Variants in TAF1B observed in about 807,000 individuals in gnomAD.
TAF1B encodes the protein TATA-box binding protein associated factor, RNA polymerase I subunit B, also known as TATA box-binding protein-associated factor RNA polymerase I subunit B.
In TAF1B, 61 loss-of-function variants were observed where a neutral mutation model predicts 83.9. The ratio of observed to expected loss-of-function variants is 0.73; its 90% confidence interval spans 0.59 to 0.90. TAF1B has a LOEUF of 0.90. Ranked by LOEUF, TAF1B falls within the 40% of genes least tolerant of loss-of-function variation. The pLI is 0.00. For missense variants in TAF1B, 625 were observed against 677.0 expected, an observed-to-expected ratio of 0.92 and a Z score of 0.85; for synonymous variants, 221 against 224.6, an observed-to-expected ratio of 0.98 and a Z score of 0.14.
chr2:9,862,342 T>A (rs1388952737), intron 5 of TAF1B, among the ~76,000 whole-genome samples: 3 of 152,038 alleles, frequency 2.0e-5, no homozygotes, highest in Non-Finnish European at 4.4e-5. Flanking sequence ...AGAAAGTGTA[T>A]CCATGATGGA....
At chr2:9,847,837 T>C (rs1244744022) in intron 2 of TAF1B, among the ~76,000 whole-genome samples, 1 of 145,522 alleles carries the variant, frequency 6.9e-6, no homozygotes, top group Non-Finnish European at 1.6e-5. Flanking sequence ...TCACCAGTAA[T>C]CTCTACATTT....
At chr2:9,876,065 G>T in intron 7 of TAF1B, 47 bp downstream of exon 7, 1 of 1,499,080 alleles carries the variant, frequency 6.7e-7, no homozygotes, top group Non-Finnish European at 9.0e-7. Flanking sequence ...GTTACTACAT[G>T]AACTAAGTAG....
intron 8 of TAF1B, among the ~76,000 whole-genome samples, chr2:9,894,135 A>G (rs888814559): frequency 3.3e-5 from 5 of 152,172 alleles, no homozygotes; most frequent in Non-Finnish European, 5.9e-5. Flanking sequence ...TTTATTATCT[A>G]TATTATAGAT....
chr2:9,868,566 C>A, intron 6 of TAF1B, 137 bp downstream of exon 6: 1 of 1,236,536 alleles, frequency 8.1e-7, no homozygotes, highest in Non-Finnish European at 1.2e-6. Flanking sequence ...GAATGACTTG[C>A]TGAATCATAT....
At chr2:9,863,548 A>G (rs1456374515) in intron 5 of TAF1B, among the ~76,000 whole-genome samples, 5 of 152,198 alleles carry the variant, frequency 3.3e-5, no homozygotes, top group Admixed American at 3.3e-4. Flanking sequence ...TGAGACAGAA[A>G]GTTAACAAGG....
rs940793122 is a variant in TAF1B, at chr2:9,926,636, C to T, written c.1565+6816C>T. On this transcript the variant is annotated intron_variant, in intron 14 of 14. Coordinates refer to ENST00000263663, the MANE Select transcript of TAF1B (RefSeq NM_005680.3). ...GGTGGATCACCTGAGGTCAGGAGTT[C>T]GAGACCAGACTGGCCAACATGGTGA... is the stretch of plus-strand genomic sequence containing the variant. Among the ~76,000 whole-genome samples the T allele has an allele frequency of 6.6e-5, 10 of 151,788 alleles. No homozygotes were observed. The South Asian group carries it at 1.0e-3, about 16-fold the overall frequency.
At chr2:9,862,460 A>G (rs1431976605) in intron 5 of TAF1B, among the ~76,000 whole-genome samples, 6 of 152,196 alleles carry the variant, frequency 3.9e-5, no homozygotes, top group Admixed American at 6.5e-5. Flanking sequence ...GACCAAATCT[A>G]CGTCTTATTG....
intron 7 of TAF1B, among the ~76,000 whole-genome samples, chr2:9,880,173 T>C (rs1664455839): frequency 6.6e-6 from 1 of 152,204 alleles, no homozygotes; most frequent in African/African-American, 2.4e-5. Flanking sequence ...CAGTGGTTTT[T>C]TTCAGTGATC....
Position 9,905,022 on chromosome 2 carries a change from A to G in TAF1B, c.955+16A>G, listed in dbSNP as rs774864733. 2.5e-6 allele frequency: 4 copies of G among 1,602,724 alleles called. No individual in the cohort carries two copies. The highest frequency in any genetic ancestry group is 2.7e-5 in the African/African-American group (2 of 74,614). On this transcript the variant is annotated intron_variant, in intron 9 of 14. Coordinates refer to ENST00000263663, the MANE Select transcript of TAF1B (RefSeq NM_005680.3). ...AACCTCCCTGGTAAGTGTGTGACATATATTGTGGGGACACTTTAACTAGTA... is the reference window on the plus strand; with the variant it reads ...AACCTCCCTGGTAAGTGTGTGACATGTATTGTGGGGACACTTTAACTAGTA...
chr2:9,928,609 CT>C (rs1369732982), intron 14 of TAF1B, among the ~76,000 whole-genome samples: 1 of 152,092 alleles, frequency 6.6e-6, no homozygotes, highest in African/African-American at 2.4e-5. Flanking sequence ...GTATTTTATT[CT>C]TTTTGTAGCA....
intron 8 of TAF1B, among the ~76,000 whole-genome samples, chr2:9,902,389 G>A (rs1665208977): frequency 6.6e-6 from 1 of 152,104 alleles, no homozygotes; most frequent in African/African-American, 2.4e-5. Context: ...GCTCTGCTGG[G>A]TGCTCCCTTC....
intron 2 of TAF1B, chr2:9,846,278 G>C: frequency 2.7e-6 from 1 of 365,642 alleles, no homozygotes; most frequent in African/African-American, 2.1e-5. Context: ...CTTGGTAAAC[G>C]AGGCTACCTT....
intron 6 of TAF1B, among the ~76,000 whole-genome samples, chr2:9,870,054 A>T (rs1371605793): frequency 6.6e-6 from 1 of 152,142 alleles, no homozygotes; most frequent in Admixed American, 6.5e-5. Flanking sequence ...TGTTTTTGTA[A>T]AAATTTGAAT....
intron 7 of TAF1B, among the ~76,000 whole-genome samples, chr2:9,880,716 T>C (rs973206852): frequency 6.6e-6 from 1 of 152,034 alleles, no homozygotes; most frequent in African/African-American, 2.4e-5. Context: ...CTCTTACTTA[T>C]CTCTGCAGAC....
In TAF1B at chr2:9,934,146, G is replaced by T; in HGVS notation, c.*162G>T. 1.7e-6 allele frequency: 1 copy of T among 585,000 alleles called. No homozygotes were observed. The highest frequency in any genetic ancestry group is 2.8e-5 in the South Asian group (1 of 35,742). 36.2% of individuals were successfully genotyped at this position (585,000 alleles called of 1,614,324 possible). ...AAGTGTGCTTAGAAAAATGTATATTGTAAAGCAGGTGAGCTTCATTTGATT... is the reference window on the plus strand; with the variant it reads ...AAGTGTGCTTAGAAAAATGTATATTTTAAAGCAGGTGAGCTTCATTTGATT... On this transcript the variant is annotated 3_prime_UTR_variant, in exon 15 of 15. Coordinates refer to ENST00000263663, the MANE Select transcript of TAF1B (RefSeq NM_005680.3).
At chr2:9,872,143 T>C (rs1191708983) in intron 6 of TAF1B, among the ~76,000 whole-genome samples, 1 of 151,954 alleles carries the variant, frequency 6.6e-6, no homozygotes, top group African/African-American at 2.4e-5. Context: ...CTGGCCAACG[T>C]AGTGAAACTC....
Position 9,904,205 on chromosome 2 carries a change from A to G in TAF1B, c.808-654A>G, listed in dbSNP as rs535061036. Among the ~76,000 whole-genome samples the G allele has an allele frequency of 1.1e-4, 17 of 152,176 alleles. No individual in the cohort carries two copies. In the South Asian group the frequency reaches 3.3e-3, roughly 30 times the overall value. ...TGAGTGTGGTGGGGGTTTGGTGTACAGATTATCTTGTCACCCAGGTAACAA... is the reference window on the plus strand; with the variant it reads ...TGAGTGTGGTGGGGGTTTGGTGTACGGATTATCTTGTCACCCAGGTAACAA... On this transcript the variant is annotated intron_variant, in intron 8 of 14. Transcript: ENST00000263663.
chr2:9,843,663 C>T, intron 1 of TAF1B, 104 bp downstream of exon 1: 2 of 1,287,270 alleles, frequency 1.6e-6, no homozygotes, highest in Non-Finnish European at 2.1e-6. Context: ...GGCGACGCCA[C>T]CGGCTGGAGG....
In TAF1B at chr2:9,910,903, A is replaced by G. The variant is rs138046758; in HGVS notation, c.1123A>G (p.Ser375Gly). The change falls in exon 10 of 15, where the codon AGT (serine) becomes GGT (glycine). Residue 375 changes from serine (S) to glycine (G), a missense_variant. Ser to Gly is a moderately conservative substitution (Grantham distance 56). Transcript: ENST00000263663. ...VLKLLFLLDD[S>G]FEWSLSNLAE... is the part of the protein sequence containing the mutation. ...GAAACTGCTCTTTCTATTGGATGAC[A>G]GTTTCGAGTGGTAAGTGTACGTCAA... 36 of 1,610,102 alleles carry G rather than the reference A, an allele frequency of 2.2e-5. No individual in the cohort carries two copies. The highest frequency in any genetic ancestry group is 3.1e-5 in the Non-Finnish European group (36 of 1,178,270).
Sources: allele counts gnomAD v4.1 joint callset (sites outside exome capture counted in the v4.1 genomes callset), GRCh38; gene constraint gnomAD v4.1.1; transcripts MANE v1.5; gene names NCBI Gene and HGNC (gene_info 2026-07-23, HGNC 2026-07-21).